The following DYM variants were observed in gnomAD, a reference collection of about 807,000 sequenced individuals.
DYM encodes the protein dyggve-Melchior-Clausen syndrome protein.
A neutral mutation model predicts 93.1 loss-of-function variants in DYM; 78 were observed. That is an observed-to-expected ratio of 0.84 (90% CI 0.70 to 1.01). The LOEUF is 1.01. DYM is among the 50% of genes least tolerant of loss of function. The pLI is 0.00. For missense variants in DYM, 789 were observed against 845.0 expected (o/e 0.93, Z 0.82); for synonymous variants, 321 against 319.7 (o/e 1.00, Z -0.04).
intron 2 of DYM, among the ~76,000 whole-genome samples, chr18:49,410,805 A>T (rs1293137326): frequency 6.6e-6 from 1 of 152,146 alleles, no homozygotes; most frequent in Non-Finnish European, 1.5e-5. Flanking sequence ...AAAATTAAAC[A>T]AATTGAGTTG....
Position 49,388,628 on chromosome 18 carries a change from C to T in DYM, c.193+2965G>A, listed in dbSNP as rs374995257. 2.5e-4 allele frequency among the ~76,000 whole-genome samples: 36 copies of T among 145,682 alleles called. 1 individual carries two copies. The East Asian group carries it at 4.5e-3, about 18-fold the overall frequency. ...TTTAAGAATCTCTACAAACCTCAGGCGACAAAAAAACAAAGAAAACCTCTC... is the reference window on the plus strand; with the variant it reads ...TTTAAGAATCTCTACAAACCTCAGGTGACAAAAAAACAAAGAAAACCTCTC... On this transcript the variant is annotated intron_variant, in intron 3 of 17. Transcript: ENST00000675505.
chr18:49,260,730 G>A (rs2094476480), intron 11 of DYM, among the ~76,000 whole-genome samples: 1 of 152,124 alleles, frequency 6.6e-6, no homozygotes, highest in Non-Finnish European at 1.5e-5. Flanking sequence ...CTGAAGGACA[G>A]CAGAACAATG....
At chr18:49,412,310 C>A (rs1249968998) in intron 2 of DYM, among the ~76,000 whole-genome samples, 2 of 150,868 alleles carry the variant, frequency 1.3e-5, no homozygotes, top group Non-Finnish European at 3.0e-5. Context: ...TGCAGTAAAA[C>A]TTACATGTCC....
intron 2 of DYM, among the ~76,000 whole-genome samples, chr18:49,393,127 AGG>A (rs2069587116): frequency 7.4e-6 from 1 of 134,530 alleles, no homozygotes; most frequent in Non-Finnish European, 1.6e-5. Context: ...GAAGGAAGGA[AGG>A]AAGGAAGGAA....
chr18:49,174,496 T>G (rs1311918075), intron 14 of DYM, among the ~76,000 whole-genome samples: 1 of 152,136 alleles, frequency 6.6e-6, no homozygotes, highest in Non-Finnish European at 1.5e-5. Flanking sequence ...TTATCTCTTA[T>G]ATGGAGATTT....
intron 1 of DYM, among the ~76,000 whole-genome samples, chr18:49,449,106 T>G (rs937107826): frequency 6.6e-6 from 1 of 152,162 alleles, no homozygotes; most frequent in Non-Finnish European, 1.5e-5. Flanking sequence ...AAATGCCCAA[T>G]GGAGGTGATG....
chr18:49,435,423 TAAAAAA>T (rs58887917), intron 1 of DYM, among the ~76,000 whole-genome samples: 10 of 124,764 alleles, frequency 8.0e-5, no homozygotes, highest in African/African-American at 2.7e-4. Flanking sequence ...ACTAAAACAG[TAAAAAA>T]AAAAAAAAAA....
intron 13 of DYM, among the ~76,000 whole-genome samples, chr18:49,256,383 G>A (rs1157394568): frequency 6.6e-6 from 1 of 152,144 alleles, no homozygotes; most frequent in Non-Finnish European, 1.5e-5. Flanking sequence ...TACTGTTGCT[G>A]GCTTTGATAA....
intron 15 of DYM, among the ~76,000 whole-genome samples, chr18:49,160,021 T>TAA (rs1013672159): frequency 6.6e-6 from 1 of 151,636 alleles, no homozygotes; most frequent in Non-Finnish European, 1.5e-5. Context: ...TCATTTTTAT[T>TAA]AAAAAAAAAT....
chr18:49,086,275 A>G (rs1179964988), intron 17 of DYM, among the ~76,000 whole-genome samples: 1 of 152,194 alleles, frequency 6.6e-6, no homozygotes, highest in African/African-American at 2.4e-5. Flanking sequence ...CCCTCTGCAG[A>G]GTCCCAAGGC....
intron 2 of DYM, among the ~76,000 whole-genome samples, chr18:49,400,807 T>G (rs546806181): frequency 1.3e-5 from 2 of 152,098 alleles, no homozygotes; most frequent in South Asian, 2.1e-4. Flanking sequence ...TTTGCTTGAT[T>G]TAGAGCTATA....
At chr18:49,350,469 A>G (rs914058070) in intron 6 of DYM, among the ~76,000 whole-genome samples, 4 of 152,262 alleles carry the variant, frequency 2.6e-5, no homozygotes, top group Admixed American at 2.6e-4. Context: ...GCACTTTGGG[A>G]GGCCAAGGTG....
chr18:49,147,336 A>G (rs1691771593), intron 15 of DYM, among the ~76,000 whole-genome samples: 1 of 151,784 alleles, frequency 6.6e-6, no homozygotes, highest in Admixed American at 6.6e-5. Context: ...AAAAGCCAAA[A>G]TTGACAAATG....
intron 6 of DYM, 36 bp downstream of exon 6, chr18:49,363,122 AAAG>A (rs756486065): frequency 2.0e-6 from 3 of 1,536,152 alleles, no homozygotes; most frequent in Non-Finnish European, 2.7e-6. Context: ...TGCCATATAC[AAAG>A]AAGATAAAAC....
intron 13 of DYM, among the ~76,000 whole-genome samples, chr18:49,253,408 T>G (rs1439490157): frequency 6.6e-6 from 1 of 152,212 alleles, no homozygotes; most frequent in Non-Finnish European, 1.5e-5. Context: ...GAAATGAGTT[T>G]CCTCAAAGTA....
chr18:49,125,630 C>CT (rs1265810263), intron 15 of DYM, among the ~76,000 whole-genome samples: 1 of 152,188 alleles, frequency 6.6e-6, no homozygotes, highest in Non-Finnish European at 1.5e-5. Context: ...CAGTTACTAT[C>CT]TATCCAATTA....
intron 2 of DYM, among the ~76,000 whole-genome samples, chr18:49,420,230 C>T (rs908040718): frequency 3.4e-5 from 5 of 146,890 alleles, no homozygotes; most frequent in African/African-American, 7.5e-5. Flanking sequence ...TGCAATGGCG[C>T]GATCTCAGCT....
At chr18:49,457,653 A>G (rs774985023) in intron 1 of DYM, among the ~76,000 whole-genome samples, 1 of 152,206 alleles carries the variant, frequency 6.6e-6, no homozygotes, top group Non-Finnish European at 1.5e-5. Context: ...TCCAAAATAC[A>G]CTGTGGTAGG....
chr18:49,301,303 G>A (rs925063728), intron 8 of DYM, among the ~76,000 whole-genome samples: 9 of 152,078 alleles, frequency 5.9e-5, no homozygotes, highest in Admixed American at 3.3e-4. Flanking sequence ...GGCAGATCAC[G>A]AGCTCAGGAG....
Sources: gnomAD v4.1 joint callset for allele counts (sites outside exome capture counted in the v4.1 genomes callset) on GRCh38, gnomAD v4.1.1 for gene constraint, MANE v1.5 for transcripts, NCBI Gene and HGNC (gene_info 2026-07-23, HGNC 2026-07-21) for gene names.